MGAT5: variants seen among roughly 807,000 people sequenced by gnomAD.
The protein encoded by MGAT5 is alpha-1,6-mannosylglycoprotein 6-beta-N-acetylglucosaminyltransferase, also known as alpha-1,6-mannosylglycoprotein 6-beta-N-acetylglucosaminyltransferase A.
MGAT5 carries 30 observed loss-of-function variants against 94.3 expected under a neutral mutation model. The ratio of observed to expected loss-of-function variants is 0.32; its 90% CI spans 0.24 to 0.43. MGAT5 has a LOEUF of 0.43. MGAT5 is among the 20% of genes least tolerant of loss of function. The pLI is 1.00. For synonymous variants in MGAT5, 310 were observed against 322.9 expected (o/e 0.96, Z 0.43); for missense variants, 691 against 905.5 (o/e 0.76, Z 3.04).
At chr2:134,168,447 A>G (rs945585830) in intron 1 of MGAT5, among the ~76,000 whole-genome samples, 6 of 152,178 alleles carry the variant, frequency 3.9e-5, no homozygotes, top group Non-Finnish European at 7.3e-5. Flanking sequence ...GATGAGAGAA[A>G]GTTTTGAGTT....
chr2:134,313,528 G>T (rs957394360), intron 2 of MGAT5, among the ~76,000 whole-genome samples: 2 of 151,996 alleles, frequency 1.3e-5, no homozygotes, highest in African/African-American at 4.8e-5. Context: ...CTGGTGTAAG[G>T]GTAACGGATT....
chr2:134,125,646 A>G (rs1685807416), intron 1 of MGAT5, among the ~76,000 whole-genome samples: 2 of 152,184 alleles, frequency 1.3e-5, no homozygotes, highest in Admixed American at 6.5e-5. Flanking sequence ...TGCTTTGTTT[A>G]TAGCAATGAT....
intron 1 of MGAT5, among the ~76,000 whole-genome samples, chr2:134,130,282 G>A (rs1178814794): frequency 1.8e-4 from 9 of 49,982 alleles, no homozygotes; most frequent in Non-Finnish European, 2.9e-4. Context: ...ACACCCTGGC[G>A]GTGGGCTCCC....
At position 134,136,797 on chromosome 2, in the gene MGAT5, A is replaced by G. The variant is rs546881753; in HGVS notation, c.-143+16506A>G. ...GCTCCCCTTTCCCTCCTCTTCATCA[A>G]GAGTTGACCTCCTCCTGACTTGGGC... On this transcript the variant is annotated intron_variant, in intron 1 of 16. Coordinates refer to the MGAT5 transcript ENST00000409645. Among the ~76,000 whole-genome samples the G allele has an allele frequency of 4.6e-5, 7 of 152,224 alleles. No individual in the cohort carries two copies. The South Asian group carries it at 1.2e-3, about 27-fold the overall frequency.
At chr2:134,361,402 A>G (rs1680091069) in intron 9 of MGAT5, among the ~76,000 whole-genome samples, 1 of 152,230 alleles carries the variant, frequency 6.6e-6, no homozygotes, top group Non-Finnish European at 1.5e-5. Context: ...TTCTCTTGAC[A>G]GAATGAAGGT....
At chr2:134,329,941 G>C (rs536472632) in intron 4 of MGAT5, among the ~76,000 whole-genome samples, 61 of 152,256 alleles carry the variant, frequency 4.0e-4, no homozygotes, top group Admixed American at 1.6e-3. Context: ...ACTTTAGAAA[G>C]TAGAGGAATC....
At chr2:134,246,548 C>A (rs1452327102) in intron 1 of MGAT5, among the ~76,000 whole-genome samples, 1 of 152,222 alleles carries the variant, frequency 6.6e-6, no homozygotes, top group Admixed American at 6.5e-5. Flanking sequence ...TTTCTTACAC[C>A]AGTAATCCTG....
intron 4 of MGAT5, among the ~76,000 whole-genome samples, chr2:134,334,252 C>T (rs760749353): frequency 2.0e-5 from 3 of 152,076 alleles, no homozygotes; most frequent in Non-Finnish European, 2.9e-5. Flanking sequence ...TAAAAATCAC[C>T]TGGGACTGTA....
At chr2:134,393,271 C>G (rs1682520132) in intron 10 of MGAT5, among the ~76,000 whole-genome samples, 2 of 152,030 alleles carry the variant, frequency 1.3e-5, no homozygotes, top group Non-Finnish European at 2.9e-5. Context: ...GGATAGGGCC[C>G]CAGAAAAGGC....
At chr2:134,133,781 C>T (rs995978008) in intron 1 of MGAT5, among the ~76,000 whole-genome samples, 2 of 152,078 alleles carry the variant, frequency 1.3e-5, no homozygotes, top group African/African-American at 2.4e-5. Flanking sequence ...GCAGGCTTGG[C>T]GGTTGTTGAT....
Position 134,340,201 on chromosome 2 carries a change from A to T in MGAT5, c.808-1389A>T, listed in dbSNP as rs2105998001. On this transcript the variant is annotated intron_variant, in intron 6 of 15. Transcript: ENST00000281923. ...TATCAGGCCTATAAATAGTAATAAA[A>T]TTGAGTCCCTTAAGCCCCACACTTT... Among the ~76,000 whole-genome samples, 2 of 152,302 alleles carry T rather than the reference A, an allele frequency of 1.3e-5. 1 individual carries two copies. The highest frequency in any genetic ancestry group is 4.1e-4 in the South Asian group (2 of 4,830).
chr2:134,293,542 C>T (rs563443873), intron 2 of MGAT5, among the ~76,000 whole-genome samples: 2 of 152,032 alleles, frequency 1.3e-5, no homozygotes, highest in Non-Finnish European at 2.9e-5. Context: ...GATCTGGGTT[C>T]ACTGCAACCT....
chr2:134,273,020 TGCGCGCGC>T (rs756429675), intron 2 of MGAT5, among the ~76,000 whole-genome samples: 3 of 149,718 alleles, frequency 2.0e-5, no homozygotes, highest in South Asian at 2.1e-4. Flanking sequence ...TGTGTGTGTG[TGCGCGCGC>T]GCGTGCGCGT....
In MGAT5 at chr2:134,254,540, T is replaced by G. The variant is rs763840693; in HGVS notation, c.137T>G (p.Leu46Arg). Residue 46 changes from leucine (L) to arginine (R), a missense_variant, in exon 1 of 16, where the codon CTG becomes CGG. Leu to Arg is a moderately radical substitution (Grantham distance 102, BLOSUM62 -2). Coordinates refer to ENST00000281923, the MANE Select transcript of MGAT5 (RefSeq NM_002410.5). ...ACTCAGCCTGAAAGCAGCTCCATGC[T>G]GCGCGAGCAGATCCTGGACCTCAGC... ...QRTQPESSSM[L>R]REQILDLSKR... is the part of the protein sequence containing the mutation. 1 of 1,614,220 alleles carries G rather than the reference T, an allele frequency of 6.2e-7. No individual in the cohort carries two copies. The highest frequency in any genetic ancestry group is 8.5e-7 in the Non-Finnish European group (1 of 1,180,038).
At chr2:134,361,526 T>C (rs3791294) in intron 9 of MGAT5, among the ~76,000 whole-genome samples, 73,629 of 152,154 alleles carry the variant, frequency 0.48, 21,684 homozygotes, top group Non-Finnish European at 0.66. Flanking sequence ...GGAGAGGGTG[T>C]GGGGTTGCTG....
intron 1 of MGAT5, among the ~76,000 whole-genome samples, chr2:134,160,841 A>G (rs1687701645): frequency 6.6e-6 from 1 of 152,242 alleles, no homozygotes; most frequent in Non-Finnish European, 1.5e-5. Flanking sequence ...GGAAAGTTGC[A>G]TGCAGTTCTT....
intron 2 of MGAT5, among the ~76,000 whole-genome samples, chr2:134,302,716 CTGTGTGTGTGTGTGTGTGTGTGTGTGTG>C (rs3034344): frequency 5.9e-4 from 79 of 133,598 alleles, no homozygotes; most frequent in Non-Finnish European, 2.4e-4. Context: ...TTAAGAAATG[CTGTGTGTGTGTGTGTGTGTGTGTGTGTG>C]TGTGTGTGTG....
intron 1 of MGAT5, among the ~76,000 whole-genome samples, chr2:134,187,505 C>G (rs1223956600): frequency 1.3e-5 from 2 of 152,206 alleles, no homozygotes; most frequent in African/African-American, 4.8e-5. Context: ...TCTTTTACTT[C>G]CCCCAGATCT....
intron 1 of MGAT5, among the ~76,000 whole-genome samples, chr2:134,199,566 G>A (rs535256244): frequency 6.6e-6 from 1 of 152,048 alleles, no homozygotes; most frequent in South Asian, 2.1e-4. Context: ...TGAGGATGGA[G>A]CATTAAATCC....
Sources: gnomAD v4.1 joint callset for allele counts (sites outside exome capture counted in the v4.1 genomes callset) on GRCh38, gnomAD v4.1.1 for gene constraint, MANE v1.5 for transcripts, NCBI Gene and HGNC (gene_info 2026-07-23, HGNC 2026-07-21) for gene names.